KDM5B: variants seen among roughly 807,000 people sequenced by gnomAD.
KDM5B encodes the protein lysine-specific demethylase 5B.
Under a neutral mutation model 193.4 loss-of-function variants are expected in KDM5B, and 144 were observed. That is an observed-to-expected ratio of 0.74 (90% CI 0.65 to 0.86). The LOEUF (loss-of-function observed/expected upper bound fraction) is 0.86, where lower values mean the gene tolerates loss of function less well. KDM5B is among the 40% of genes least tolerant of loss of function. The pLI, the probability that KDM5B is intolerant of heterozygous loss-of-function variation, is 0.00. For synonymous variants in KDM5B, 668 were observed against 682.6 expected (o/e 0.98, Z 0.33); for missense variants, 1,833 against 1,886.9 (o/e 0.97, Z 0.53).
chr1:202,774,503 C>T, intron 3 of KDM5B, 110 bp downstream of exon 3: 2 of 950,676 alleles, frequency 2.1e-6, no homozygotes, highest in African/African-American at 1.6e-5. Context: ...GCTGAGATTA[C>T]AGGTGCGAGC....
chr1:202,807,564 A>ACGC (rs1658353991), intron 1 of KDM5B, among the ~76,000 whole-genome samples: 1 of 151,738 alleles, frequency 6.6e-6, no homozygotes, highest in Non-Finnish European at 1.5e-5. Context: ...CTCCGGGCCG[A>ACGC]CGCCGCCACC....
At chr1:202,762,888 G>A in intron 6 of KDM5B, 80 bp from the exon 7 acceptor site, 3 of 756,252 alleles carry the variant, frequency 4.0e-6, no homozygotes, top group Non-Finnish European at 7.1e-6. Flanking sequence ...AGCACATACT[G>A]TACACAAACA....
In KDM5B at chr1:202,793,458, G is replaced by A. The variant is rs1022962002; in HGVS notation, c.204+14644C>T. ...TCTGGCTCCACCAGGATTTGGGCTA[G>A]ATTCCTTCCCTCTTTGGGCCTCACT... On this transcript the variant is annotated intron_variant, in intron 1 of 26. Coordinates refer to ENST00000367265, the MANE Select transcript of KDM5B (RefSeq NM_006618.5). 2.0e-5 allele frequency among the ~76,000 whole-genome samples: 3 copies of A among 152,190 alleles called. No homozygotes were observed. In the East Asian group the frequency reaches 5.8e-4, roughly 29 times the overall value.
At chr1:202,740,488 G>A (rs577072087) in intron 20 of KDM5B, among the ~76,000 whole-genome samples, 186 bp downstream of exon 20, 16 of 140,430 alleles carry the variant, frequency 1.1e-4, no homozygotes, top group Admixed American at 5.6e-4. Context: ...CGGACGGGGC[G>A]GCTGGCCGGG....
chr1:202,773,426 C>A, intron 3 of KDM5B, 138 bp from the exon 4 acceptor site: 1 of 638,536 alleles, frequency 1.6e-6, no homozygotes. Context: ...TATATACACA[C>A]ACACACATAT....
At chr1:202,786,552 GT>G (rs758964091) in intron 1 of KDM5B, among the ~76,000 whole-genome samples, 2 of 152,154 alleles carry the variant, frequency 1.3e-5, no homozygotes, top group African/African-American at 2.4e-5. Context: ...AGTAATCACA[GT>G]TCTGCCATTA....
chr1:202,729,560 G>T, intron 26 of KDM5B, 147 bp downstream of exon 26: 2 of 661,918 alleles, frequency 3.0e-6, no homozygotes, highest in Non-Finnish European at 5.1e-6. Flanking sequence ...TAAGAGCACA[G>T]ATATCAGTGG....
rs139343230 is a variant in KDM5B, at chr1:202,729,822, C to G, written c.4382G>C (p.Arg1461Pro). The change falls in exon 26 of 27, where the codon CGT (arginine) becomes CCT (proline). Residue 1461 changes from arginine to proline, a missense_variant. This residue lies in a region of KDM5B where 1,379 missense variants were observed against 1,349.6 expected (regional missense o/e 1.02). Coordinates refer to ENST00000367265, the MANE Select transcript of KDM5B (RefSeq NM_006618.5). Reference sequence around the variant, plus strand: ...GGGCAGGGAATGAGTTTCAGCAGAACGAACTAATTCATAGCTACGCTCTCT... The same window carrying G: ...GGGCAGGGAATGAGTTTCAGCAGAAGGAACTAATTCATAGCTACGCTCTCT... ...LERERSYELV[R>P]SAETHSLPSD... is the part of the protein sequence containing the mutation. 1.2e-6 allele frequency: 2 copies of G among 1,614,134 alleles called. No homozygotes were observed. The highest frequency in any genetic ancestry group is 3.3e-5 in the Admixed American group (2 of 60,020).
At position 202,729,939 on chromosome 1, in the gene KDM5B, T is replaced by G; in HGVS notation, c.4265A>C (p.Glu1422Ala). The G allele has an allele frequency of 6.2e-7, 1 of 1,614,182 alleles. No individual in the cohort carries two copies. Residue 1422 changes from glutamate (E) to alanine (A), a missense_variant, in exon 26 of 27, where the codon GAG (glutamate) becomes GCG (alanine). Transcript: ENST00000367265. ...RRLEREGLSS[E>A]RWERVKKMRT... ...CATTTTCTTAACTCGTTCCCACCGCTCACTGGAGAGGCCCTCTCTTTCCAG... is the reference window on the plus strand; with the variant it reads ...CATTTTCTTAACTCGTTCCCACCGCGCACTGGAGAGGCCCTCTCTTTCCAG...
At chr1:202,738,759 C>T (rs908823610) in intron 20 of KDM5B, among the ~76,000 whole-genome samples, 10 of 152,052 alleles carry the variant, frequency 6.6e-5, no homozygotes, top group African/African-American at 2.4e-4. Context: ...GGAAGACATC[C>T]CCCATCAAAC....
At chr1:202,782,374 A>G (rs560833395) in intron 1 of KDM5B, among the ~76,000 whole-genome samples, 1 of 151,928 alleles carries the variant, frequency 6.6e-6, no homozygotes, top group Admixed American at 6.6e-5. Context: ...TTTTCTTTTC[A>G]TTTTAAGTAG....
intron 12 of KDM5B, among the ~76,000 whole-genome samples, chr1:202,752,204 T>C (rs2102254685): frequency 6.6e-6 from 1 of 152,364 alleles, no homozygotes; most frequent in East Asian, 1.9e-4. Context: ...TTGTGCACCA[T>C]GTAACAACAT....
chr1:202,761,183 G>A (rs1656235138), intron 7 of KDM5B, among the ~76,000 whole-genome samples: 1 of 152,186 alleles, frequency 6.6e-6, no homozygotes, highest in Admixed American at 6.5e-5. Flanking sequence ...GCTTAAGCCT[G>A]TAATCCCAAC....
At chr1:202,754,325 TTGAG>T (rs1028142300) in intron 11 of KDM5B, among the ~76,000 whole-genome samples, 1 of 152,204 alleles carries the variant, frequency 6.6e-6, no homozygotes, top group Admixed American at 6.5e-5. Context: ...GTGTGAGGAT[TTGAG>T]TGAGTTACAG....
chr1:202,775,094 T>A (rs6668689), intron 2 of KDM5B, among the ~76,000 whole-genome samples: 4 of 150,946 alleles, frequency 2.6e-5, no homozygotes, highest in South Asian at 2.1e-4. Context: ...AAAATCAGCC[T>A]AGTGTGGTGG....
chr1:202,801,532 A>T (rs1658073501), intron 1 of KDM5B, among the ~76,000 whole-genome samples: 1 of 152,240 alleles, frequency 6.6e-6, no homozygotes, highest in Non-Finnish European at 1.5e-5. Flanking sequence ...TTGGTTGTAA[A>T]AAGCAAATTC....
At chr1:202,779,549 T>G (rs1358236764) in intron 1 of KDM5B, among the ~76,000 whole-genome samples, 1 of 150,678 alleles carries the variant, frequency 6.6e-6, no homozygotes, top group Non-Finnish European at 1.5e-5. Flanking sequence ...CTCACACCAG[T>G]AATCCCAGCA....
At chr1:202,736,015 T>C (rs984966989) in intron 21 of KDM5B, among the ~76,000 whole-genome samples, 198 bp downstream of exon 21, 2 of 152,260 alleles carry the variant, frequency 1.3e-5, no homozygotes, top group Non-Finnish European at 2.9e-5. Flanking sequence ...CTTCTTTAGA[T>C]ACTGTTATGC....
intron 1 of KDM5B, among the ~76,000 whole-genome samples, chr1:202,780,288 G>A (rs1232528687): frequency 1.1e-4 from 17 of 152,094 alleles, no homozygotes; most frequent in Admixed American, 1.1e-3. Flanking sequence ...CCGGGTTCAA[G>A]CAATTCTCCT....
Sources: gnomAD v4.1 joint callset for allele counts (sites outside exome capture counted in the v4.1 genomes callset) on GRCh38, gnomAD v4.1.1 for gene constraint, gnomAD v4.1.1 regional missense constraint, MANE v1.5 for transcripts, NCBI Gene and HGNC (gene_info 2026-07-23, HGNC 2026-07-21) for gene names.